The following SC5D variants were observed in gnomAD, a reference collection of about 807,000 sequenced individuals.
The protein encoded by SC5D is sterol-C5-desaturase.
A neutral mutation model predicts 23.9 loss-of-function variants in SC5D; 21 were observed. That is an observed-to-expected ratio of 0.88 (90% CI 0.62 to 1.26). The LOEUF (loss-of-function observed/expected upper bound fraction) is 1.26, where lower values mean the gene tolerates loss of function less well. Ranked by LOEUF, SC5D falls within the 50% of genes most tolerant of loss-of-function variation. The probability of loss-of-function intolerance (pLI) is 0.00; values close to 1 mark genes in which losing one functional copy is unlikely to be tolerated. For synonymous variants in SC5D, 113 were observed against 125.9 expected, an observed-to-expected ratio of 0.90 and a Z score of 0.68; for missense variants, 309 against 364.8, an observed-to-expected ratio of 0.85 and a Z score of 1.25.
At position 121,310,677 on chromosome 11, in the gene SC5D, G is replaced by A. The variant is rs983552383; in HGVS notation, c.*3165G>A. ...GGGTTTCACCGTGTTAGCCAGGATG[G>A]TCTTGATCTCCTGACCTCATGATCT... On this transcript the variant is annotated 3_prime_UTR_variant, in exon 5 of 5. Transcript: ENST00000264027. 2.0e-5 allele frequency among the ~76,000 whole-genome samples: 3 copies of A among 151,964 alleles called. No individual in the cohort carries two copies. The highest frequency in any genetic ancestry group is 7.3e-5 in the African/African-American group (3 of 41,366).
At chr11:121,301,303 GTTT>G (rs34614904) in intron 1 of SC5D, among the ~76,000 whole-genome samples, 190 of 142,542 alleles carry the variant, frequency 1.3e-3, no homozygotes, top group African/African-American at 4.6e-3. Flanking sequence ...AGTGATAAAA[GTTT>G]TTTTTTTTTT....
chr11:121,295,455 T>C (rs1947882423), intron 1 of SC5D, among the ~76,000 whole-genome samples: 1 of 152,172 alleles, frequency 6.6e-6, no homozygotes, highest in Admixed American at 6.5e-5. Flanking sequence ...TCTGCATGTT[T>C]ACATAAACAA....
chr11:121,304,582 T>A (rs1246430186), intron 3 of SC5D, 89 bp downstream of exon 3: 95 of 1,103,456 alleles, frequency 8.6e-5, no homozygotes, highest in Non-Finnish European at 1.2e-4. Context: ...TTTTTTTTCA[T>A]CTTTTAAAAT....
rs551384844 is a variant in SC5D at position 121,310,046 on chromosome 11, T to C, written c.*2534T>C. 6.6e-6 allele frequency among the ~76,000 whole-genome samples: 1 copy of C among 152,328 alleles called. No homozygotes were observed. Among genetic ancestry groups the C allele is most frequent in the South Asian group, 2.1e-4 (1 of 4,828 alleles). ...ACCCTTGTATCATGTTTTCCTCCCA[T>C]CTTCTAGAAGCTGGGGACAGATTTG... On this transcript the variant is annotated 3_prime_UTR_variant, in exon 5 of 5. Coordinates refer to ENST00000264027, the MANE Select transcript of SC5D (RefSeq NM_006918.5).
rs1947978298 is a variant in SC5D at position 121,307,691 on chromosome 11, C to G, written c.*179C>G. On this transcript the variant is annotated 3_prime_UTR_variant, in exon 5 of 5. Transcript: ENST00000264027. Reference sequence around the variant, plus strand: ...CCTAGTGGTAGGTCAGAAGAAGATGCTGTGAACACCAGGACTTTAATCTTA... The same window carrying G: ...CCTAGTGGTAGGTCAGAAGAAGATGGTGTGAACACCAGGACTTTAATCTTA... The G allele has an allele frequency of 1.8e-6, 1 of 559,086 alleles. No individual in the cohort carries two copies. The highest frequency in any genetic ancestry group is 3.1e-6 in the Non-Finnish European group (1 of 319,274). The allele number at this position is 559,086 out of a possible 1,614,324, so 34.6% of individuals were successfully genotyped here. A position where few individuals can be genotyped will look rare whatever the true frequency, so the allele number is the denominator to read the frequency against.
At chr11:121,294,627 A>G (rs1329354893) in intron 1 of SC5D, among the ~76,000 whole-genome samples, 5 of 152,208 alleles carry the variant, frequency 3.3e-5, no homozygotes, top group South Asian at 2.1e-4. Context: ...CACCTATTTT[A>G]TCTTCTATTG....
At chr11:121,300,206 C>T (rs905127964) in intron 1 of SC5D, among the ~76,000 whole-genome samples, 1 of 152,174 alleles carries the variant, frequency 6.6e-6, no homozygotes, top group Admixed American at 6.5e-5. Flanking sequence ...TGAGTTAAAG[C>T]TTTACAATAA....
rs960387982 is a variant in SC5D, at chr11:121,308,876, C to T, written c.*1364C>T. 7.2e-5 allele frequency among the ~76,000 whole-genome samples: 11 copies of T among 152,202 alleles called. No individual in the cohort carries two copies. The highest frequency in any genetic ancestry group is 2.4e-4 in the African/African-American group (10 of 41,456). On this transcript the variant is annotated 3_prime_UTR_variant, in exon 5 of 5. Coordinates refer to ENST00000264027, the MANE Select transcript of SC5D (RefSeq NM_006918.5). ...ATGTCTGGGATCCAGAAGAAAATGT[C>T]TTTAATCTGTGAGTTATTGTCACAA...
chr11:121,294,005 G>A (rs183951482), intron 1 of SC5D, among the ~76,000 whole-genome samples: 205 of 152,286 alleles, frequency 1.3e-3, no homozygotes, highest in African/African-American at 4.6e-3. Context: ...CTATCTCATA[G>A]AGGTATAGGG....
chr11:121,298,660 G>A (rs1177689244), intron 1 of SC5D, among the ~76,000 whole-genome samples: 1 of 152,120 alleles, frequency 6.6e-6, no homozygotes, highest in Non-Finnish European at 1.5e-5. Flanking sequence ...GCTTCTGTTC[G>A]GCACTTTTTG....
In SC5D at chr11:121,306,428, T is replaced by C; in HGVS notation, c.386T>C (p.Phe129Ser). 1 of 1,590,830 alleles carries C rather than the reference T, an allele frequency of 6.3e-7. No homozygotes were observed. The highest frequency in any genetic ancestry group is 8.6e-7 in the Non-Finnish European group (1 of 1,158,782). ...LVVSIISFLF[F>S]TDMFIYWIHR... ...GTTAGTATAATATCTTTCCTCTTTT[T>C]CACTGACATGTTCATCTACTGGATT... is the stretch of plus-strand genomic sequence containing the variant. The change falls in exon 4 of 5, where the codon TTC becomes TCC. Residue 129 changes from phenylalanine (F) to serine (S), a missense_variant. Physicochemically the swap from Phe to Ser is radical, Grantham distance 155 (BLOSUM62 -2). Coordinates refer to ENST00000264027, the MANE Select transcript of SC5D (RefSeq NM_006918.5).
chr11:121,304,704 A>G (rs1947951261), intron 3 of SC5D: 1 of 515,158 alleles, frequency 1.9e-6, no homozygotes, highest in Non-Finnish European at 3.5e-6. Flanking sequence ...TGTAGATGAG[A>G]TTGTGTCTGG....
rs1264813834 is a variant in SC5D, at chr11:121,310,412, A to G, written c.*2900A>G. On this transcript the variant is annotated 3_prime_UTR_variant, in exon 5 of 5. Coordinates refer to ENST00000264027, the MANE Select transcript of SC5D (RefSeq NM_006918.5). ...GAGGGCTCTGGGATTAATGACTTAAAAAGAGGTGTGAGGCAGCTGTTCAGC... is the reference window on the plus strand; with the variant it reads ...GAGGGCTCTGGGATTAATGACTTAAGAAGAGGTGTGAGGCAGCTGTTCAGC... 6.6e-6 allele frequency among the ~76,000 whole-genome samples: 1 copy of G among 151,838 alleles called. No homozygotes were observed. The highest frequency in any genetic ancestry group is 1.5e-5 in the Non-Finnish European group (1 of 67,986).
chr11:121,298,729 G>A (rs562528950), intron 1 of SC5D, among the ~76,000 whole-genome samples: 1 of 152,318 alleles, frequency 6.6e-6, no homozygotes, highest in South Asian at 2.1e-4. Flanking sequence ...GCACGTCCAT[G>A]TGAAGAGACC....
chr11:121,306,295 T>C lies in SC5D; in HGVS notation c.344-91T>C. On this transcript the variant is annotated intron_variant, in intron 3 of 4. Coordinates refer to ENST00000264027, the MANE Select transcript of SC5D (RefSeq NM_006918.5). ...TCATTTATAATGTTTGAGTCTAGGA[T>C]CCCATTTTGCACTCAGATGGACATG... is the stretch of plus-strand genomic sequence containing the variant. 4.2e-6 allele frequency: 3 copies of C among 721,320 alleles called. No individual in the cohort carries two copies. The South Asian group carries it at 4.4e-5, about 11-fold the overall frequency. The allele number at this position is 721,320 out of a possible 1,614,324, so 44.7% of individuals were successfully genotyped here.
At chr11:121,307,014 G>A (rs749624366) in intron 4 of SC5D, 43 bp from the exon 5 acceptor site, 14 of 1,520,480 alleles carry the variant, frequency 9.2e-6, no homozygotes, top group South Asian at 1.1e-5. Context: ...AATGTTGCAC[G>A]GGGTAAAGTT....
chr11:121,312,831 C>G lies in SC5D; in HGVS notation c.*5319C>G. Among the ~76,000 whole-genome samples the G allele has an allele frequency of 6.6e-6, 1 of 151,934 alleles. No homozygotes were observed. Among genetic ancestry groups the G allele is most frequent in the Non-Finnish European group, 1.5e-5 (1 of 67,982 alleles). ...TTTATTTAGATGTAAACTTGCCCCC[C>G]TGACATGTGGTATGAAACAAATAGA... On this transcript the variant is annotated 3_prime_UTR_variant, in exon 5 of 5. Coordinates refer to ENST00000264027, the MANE Select transcript of SC5D (RefSeq NM_006918.5).
rs970687599 is a variant in SC5D at position 121,311,447 on chromosome 11, A to G, written c.*3935A>G. ...TCTTTTTTTAGTCACTCAAAGTCAT[A>G]ACCCTTTGGAAACAAAACCCACCAG... On this transcript the variant is annotated 3_prime_UTR_variant, in exon 5 of 5. Transcript: ENST00000264027. Among the ~76,000 whole-genome samples the G allele has an allele frequency of 6.6e-6, 1 of 152,202 alleles. No homozygotes were observed. The highest frequency in any genetic ancestry group is 1.5e-5 in the Non-Finnish European group (1 of 68,030).
At chr11:121,302,592 G>T (rs139350464) in intron 1 of SC5D, among the ~76,000 whole-genome samples, 1 of 152,268 alleles carries the variant, frequency 6.6e-6, no homozygotes, top group East Asian at 1.9e-4. Context: ...GGGCCATACT[G>T]TCTCTGTTGC....
Sources: gnomAD v4.1 joint callset for allele counts (sites outside exome capture counted in the v4.1 genomes callset) on GRCh38, gnomAD v4.1.1 for gene constraint, MANE v1.5 for transcripts, NCBI Gene and HGNC (gene_info 2026-07-23, HGNC 2026-07-21) for gene names.